Variants in ADK observed in about 807,000 individuals in gnomAD.
ADK encodes the protein adenosine kinase, also known as N6,N6-dimethyladenosine kinase.
Under a neutral mutation model 44.7 loss-of-function variants are expected in ADK, and 24 were observed. That is an observed-to-expected ratio of 0.54 (90% CI 0.39 to 0.76). The LOEUF is 0.76. Ranked by LOEUF, ADK falls within the 30% of genes least tolerant of loss-of-function variation. The probability of loss-of-function intolerance (pLI) is 0.00; values close to 1 mark genes in which losing one functional copy is unlikely to be tolerated. For synonymous variants in ADK, 128 were observed against 142.6 expected (o/e 0.90, Z 0.73); for missense variants, 321 against 425.1 (o/e 0.76, Z 2.15).
Position 74,180,404 on chromosome 10 carries a change from T to G in ADK, c.66-20360T>G, listed in dbSNP as rs1171553280. Among the ~76,000 whole-genome samples, 3 of 148,440 alleles carry G rather than the reference T, an allele frequency of 2.0e-5. No homozygotes were observed. The East Asian group carries it at 5.9e-4, about 29-fold the overall frequency. ...AGACGCCTGCCTCACGCCCAGCTAATTTTTTTCTATTTTTGGTAGAGACGG... is the reference window on the plus strand; with the variant it reads ...AGACGCCTGCCTCACGCCCAGCTAAGTTTTTTCTATTTTTGGTAGAGACGG... On this transcript the variant is annotated intron_variant, in intron 1 of 10. Transcript: ENST00000539909.
intron 6 of ADK, among the ~76,000 whole-genome samples, chr10:74,478,417 G>C (rs560759278): frequency 6.6e-6 from 1 of 152,132 alleles, no homozygotes; most frequent in African/African-American, 2.4e-5. Context: ...AGAGATGAGT[G>C]TCAGTCTGTT....
intron 3 of ADK, among the ~76,000 whole-genome samples, chr10:74,262,443 A>T (rs546394729): frequency 8.6e-4 from 131 of 152,152 alleles, no homozygotes; most frequent in African/African-American, 3.1e-3. Context: ...TGAGAGGTAG[A>T]GGGTGGGGCA....
intron 6 of ADK, among the ~76,000 whole-genome samples, chr10:74,416,931 A>AT (rs750648513): frequency 2.0e-5 from 3 of 152,020 alleles, no homozygotes; most frequent in Non-Finnish European, 4.4e-5. Flanking sequence ...TCAATAATAT[A>AT]TTTTTCACAG....
chr10:74,532,275 T>G (rs990739260), intron 7 of ADK, among the ~76,000 whole-genome samples: 1 of 151,806 alleles, frequency 6.6e-6, no homozygotes, highest in Non-Finnish European at 1.5e-5. Flanking sequence ...GTCAGGAGTT[T>G]GAGACCAGCC....
Position 74,600,422 on chromosome 10 carries a change from C to T in ADK, c.806C>T (p.Pro269Leu). 7 of 1,610,830 alleles carry T rather than the reference C, an allele frequency of 4.3e-6. No individual in the cohort carries two copies. The highest frequency in any genetic ancestry group is 5.9e-6 in the Non-Finnish European group (7 of 1,178,450). The part of the protein sequence containing the change: ...KEIAKKTQAL[P>L]KMNSKRQRIV... ...ATAGCCAAAAAGACACAAGCCCTGCCAAAGATGAACTCAAAGAGGCAGCGA... is the reference window on the plus strand; with the variant it reads ...ATAGCCAAAAAGACACAAGCCCTGCTAAAGATGAACTCAAAGAGGCAGCGA... Residue 269 changes from proline (P) to leucine (L), a missense_variant, in exon 9 of 11, where the codon CCA becomes CTA. Transcript: ENST00000539909.
intron 4 of ADK, among the ~76,000 whole-genome samples, chr10:74,355,245 C>T (rs183876842): frequency 6.6e-6 from 1 of 152,230 alleles, no homozygotes; most frequent in Non-Finnish European, 1.5e-5. Flanking sequence ...TGAGATAAAC[C>T]AACTATTAGT....
At chr10:74,584,448 C>A (rs1215801642) in intron 7 of ADK, among the ~76,000 whole-genome samples, 2 of 152,096 alleles carry the variant, frequency 1.3e-5, no homozygotes, top group Non-Finnish European at 2.9e-5. Flanking sequence ...ATTCTAGACC[C>A]TGTACTCTTT....
intron 3 of ADK, among the ~76,000 whole-genome samples, chr10:74,308,986 A>T (rs1342196872): frequency 1.3e-5 from 2 of 152,176 alleles, no homozygotes; most frequent in Non-Finnish European, 2.9e-5. Flanking sequence ...GGTTTTGTGG[A>T]CATTTTCCTG....
intron 6 of ADK, among the ~76,000 whole-genome samples, chr10:74,438,806 A>G (rs1381646894): frequency 6.6e-6 from 1 of 152,118 alleles, no homozygotes; most frequent in Non-Finnish European, 1.5e-5. Context: ...GACATGTTTC[A>G]ATGCATACAG....
At chr10:74,563,316 C>T (rs1251271300) in intron 7 of ADK, among the ~76,000 whole-genome samples, 1 of 152,232 alleles carries the variant, frequency 6.6e-6, no homozygotes, top group African/African-American at 2.4e-5. Flanking sequence ...CCTATTTTTA[C>T]ATCATGTTCA....
intron 9 of ADK, among the ~76,000 whole-genome samples, chr10:74,652,050 C>T (rs6480746): frequency 0.46 from 64,174 of 140,196 alleles, 16,063 homozygotes; most frequent in East Asian, 0.78. Context: ...TTCTTTCTTT[C>T]TTTTTTTTTT....
rs1465765624 is a variant in ADK at position 74,222,539 on chromosome 10, C to T, written c.141-1999C>T. Among the ~76,000 whole-genome samples, 3 of 152,212 alleles carry T rather than the reference C, an allele frequency of 2.0e-5. No homozygotes were observed. The East Asian group carries it at 5.8e-4, about 29-fold the overall frequency. ...TATACCCAAAGGACTATAAATCATG[C>T]TGCTATAAAGACACATGCACACGTT... is the stretch of plus-strand genomic sequence containing the variant. On this transcript the variant is annotated intron_variant, in intron 2 of 10. Transcript: ENST00000539909.
intron 9 of ADK, among the ~76,000 whole-genome samples, chr10:74,623,646 T>G (rs1020335386): frequency 2.0e-5 from 3 of 151,802 alleles, no homozygotes; most frequent in Non-Finnish European, 4.4e-5. Context: ...TAGATGATAG[T>G]GACATTTACC....
intron 4 of ADK, among the ~76,000 whole-genome samples, chr10:74,382,268 T>A (rs1428041733): frequency 6.6e-6 from 1 of 152,106 alleles, no homozygotes; most frequent in African/African-American, 2.4e-5. Flanking sequence ...CTGGCTAATT[T>A]TTGTATTTTT....
chr10:74,471,597 A>C (rs1395944604), intron 6 of ADK, among the ~76,000 whole-genome samples: 1 of 152,320 alleles, frequency 6.6e-6, no homozygotes, highest in African/African-American at 2.4e-5. Flanking sequence ...CATTCCTTTC[A>C]GTAGTATGGA....
chr10:74,211,586 A>T (rs945925709), intron 2 of ADK, among the ~76,000 whole-genome samples: 3 of 152,166 alleles, frequency 2.0e-5, no homozygotes, highest in African/African-American at 7.2e-5. Context: ...GTACAAATGA[A>T]ATCTGGGGTC....
chr10:74,472,751 A>G (rs1183789362), intron 6 of ADK, among the ~76,000 whole-genome samples: 1 of 152,198 alleles, frequency 6.6e-6, no homozygotes, highest in Non-Finnish European at 1.5e-5. Context: ...ACCATATTGG[A>G]TAGTGAAAAG....
chr10:74,598,114 A>G (rs1473598999), intron 8 of ADK, among the ~76,000 whole-genome samples: 3 of 152,192 alleles, frequency 2.0e-5, no homozygotes, highest in African/African-American at 7.2e-5. Flanking sequence ...AACTTGCCCC[A>G]AATCATACAA....
chr10:74,441,456 A>G (rs1441115425), intron 6 of ADK, among the ~76,000 whole-genome samples: 1 of 152,256 alleles, frequency 6.6e-6, no homozygotes, highest in African/African-American at 2.4e-5. Flanking sequence ...TGTTTATGGC[A>G]GCATTAATTA....
Sources: gnomAD v4.1 joint callset for allele counts (sites outside exome capture counted in the v4.1 genomes callset) on GRCh38, gnomAD v4.1.1 for gene constraint, MANE v1.5 for transcripts, NCBI Gene and HGNC (gene_info 2026-07-23, HGNC 2026-07-21) for gene names.